Variants in FAM89B observed in about 807,000 individuals in gnomAD.
FAM89B encodes the protein leucine repeat adapter protein 25.
Under a neutral mutation model 13.4 loss-of-function variants are expected in FAM89B, and 9 were observed. The ratio of observed to expected loss-of-function variants is 0.67; its 90% CI spans 0.40 to 1.17. The LOEUF (loss-of-function observed/expected upper bound fraction) is 1.17, where lower values mean the gene tolerates loss of function less well. Among genes scored for constraint, FAM89B ranks in the 50% most tolerant of loss-of-function variants. The pLI is 0.01. For synonymous variants in FAM89B, 138 were observed against 121.2 expected, an observed-to-expected ratio of 1.14 and a Z score of -0.91; for missense variants, 256 against 256.1, an observed-to-expected ratio of 1.00 and a Z score of 0.00.
rs1331513944 is a variant in FAM89B, at chr11:65,573,348, C to T, written c.292-15C>T. The T allele has an allele frequency of 6.5e-7, 1 of 1,537,530 alleles. No homozygotes were observed. The highest frequency in any genetic ancestry group is 8.8e-7 in the Non-Finnish European group (1 of 1,136,850). ...GCCTGGACCCCAACTCCAGCCCACCCTCAGTTGTCTGCAGGTGGGGCTGCG... is the reference window on the plus strand; with the variant it reads ...GCCTGGACCCCAACTCCAGCCCACCTTCAGTTGTCTGCAGGTGGGGCTGCG... On this transcript the variant is annotated splice_polypyrimidine_tract_variant and intron_variant, in intron 1 of 1. Coordinates refer to ENST00000530349, the MANE Select transcript of FAM89B (RefSeq NM_001098785.2).
At position 65,573,954 on chromosome 11, in the gene FAM89B, C is replaced by A. The variant is rs563473955; in HGVS notation, c.*313C>A. The A allele has an allele frequency of 2.1e-4, 62 of 298,962 alleles. No homozygotes were observed. Among genetic ancestry groups the A allele is most frequent in the African/African-American group, 1.3e-3 (58 of 46,050 alleles). The allele number at this position is 298,962 out of a possible 1,614,324, so 18.5% of individuals were successfully genotyped here. A position where few individuals can be genotyped will look rare whatever the true frequency, so the allele number is the denominator to read the frequency against. On this transcript the variant is annotated 3_prime_UTR_variant, in exon 2 of 2. Coordinates refer to ENST00000530349, the MANE Select transcript of FAM89B (RefSeq NM_001098785.2). ...CCGAAGCATCTTCCCTTCCGCTTGG[C>A]GTCTCTGGGATTGGGATGAGTGCCT...
Position 65,572,596 on chromosome 11 carries a change from G to A in FAM89B, c.-74G>A, listed in dbSNP as rs1188732368. 8.1e-7 allele frequency: 1 copy of A among 1,230,220 alleles called. No homozygotes were observed. The highest frequency in any genetic ancestry group is 1.0e-6 in the Non-Finnish European group (1 of 990,270). The allele number at this position is 1,230,220 out of a possible 1,614,324, so 76.2% of individuals were successfully genotyped here. ...GGCTCCGGCGGGGCCGCGGGGTGCG[G>A]GGCCTGCGGGCGGCGGCCCGGGCGG... On this transcript the variant is annotated 5_prime_UTR_variant, in exon 1 of 2. Transcript: ENST00000530349.
At chr11:65,573,333 C>T (rs1857165309) in intron 1 of FAM89B, 30 bp from the exon 2 acceptor site, 1 of 1,517,682 alleles carries the variant, frequency 6.6e-7, no homozygotes, top group Non-Finnish European at 8.9e-7. Flanking sequence ...GCCTGGACCC[C>T]AACTCCAGCC....
rs900128832 is a variant in FAM89B, at chr11:65,574,077, C to T, written c.*436C>T. On this transcript the variant is annotated 3_prime_UTR_variant, in exon 2 of 2. Transcript: ENST00000530349. ...TGGGTTCCTCTGCCCTGGAAGGGCT[C>T]CAGGACCCGTCCCAATAACCACCCA... 2.0e-4 allele frequency: 32 copies of T among 161,424 alleles called. No individual in the cohort carries two copies. The highest frequency in any genetic ancestry group is 4.2e-4 in the Non-Finnish European group (31 of 73,614). 10.0% of individuals were successfully genotyped at this position (161,424 alleles called of 1,614,324 possible). A position where few individuals can be genotyped will look rare whatever the true frequency, so the allele number is the denominator to read the frequency against.
Position 65,572,598 on chromosome 11 carries a change from G to C in FAM89B, c.-72G>C, listed in dbSNP as rs2135188628. On this transcript the variant is annotated 5_prime_UTR_variant, in exon 1 of 2. Coordinates refer to ENST00000530349, the MANE Select transcript of FAM89B (RefSeq NM_001098785.2). The stretch of plus-strand genomic sequence containing the variant: ...CTCCGGCGGGGCCGCGGGGTGCGGG[G>C]CCTGCGGGCGGCGGCCCGGGCGGAG... 2 of 1,229,926 alleles carry C rather than the reference G, an allele frequency of 1.6e-6. No homozygotes were observed. Among genetic ancestry groups the C allele is most frequent in the Non-Finnish European group, 1.0e-6 (1 of 990,594 alleles). The allele number at this position is 1,229,926 out of a possible 1,614,324, so 76.2% of individuals were successfully genotyped here.
Position 65,573,751 on chromosome 11 carries a change from C to A in FAM89B, c.*110C>A. On this transcript the variant is annotated 3_prime_UTR_variant, in exon 2 of 2. Transcript: ENST00000530349. ...CCTTCCCCCCTACCGCCTCACCTCA[C>A]AGGAGGGCCAGGCATGTATTCCTCA... 2 of 1,283,974 alleles carry A rather than the reference C, an allele frequency of 1.6e-6. No homozygotes were observed. The highest frequency in any genetic ancestry group is 2.1e-6 in the Non-Finnish European group (2 of 944,784). The allele number at this position is 1,283,974 out of a possible 1,614,324, so 79.5% of individuals were successfully genotyped here.
intron 1 of FAM89B, 63 bp from the exon 2 acceptor site, chr11:65,573,300 G>GGGGGC (rs1000708681): frequency 3.4e-6 from 5 of 1,454,654 alleles, no homozygotes; most frequent in Admixed American, 2.7e-5. Flanking sequence ...CACTATTCCA[G>GGGGGC]GGGGCGGGGC....
Position 65,573,563 on chromosome 11 carries a change from C to T in FAM89B, c.492C>T (p.Asp164=), listed in dbSNP as rs774084227. 3 of 1,613,778 alleles carry T rather than the reference C, an allele frequency of 1.9e-6. No individual in the cohort carries two copies. The highest frequency in any genetic ancestry group is 1.7e-5 in the Admixed American group (1 of 60,026). ...EEPPDASLPP[D]PPPLTVPQTH... The stretch of plus-strand genomic sequence containing the variant: ...CTCCCGATGCCAGCCTGCCTCCTGA[C>T]CCGCCACCCCTTACTGTGCCCCAGA... The change falls in exon 2 of 2, where the codon GAC becomes GAT. Residue 164 remains aspartate (D), a synonymous_variant. Transcript: ENST00000530349.
intron 1 of FAM89B, 118 bp from the exon 2 acceptor site, chr11:65,573,245 A>C (rs2135190036): frequency 7.7e-7 from 1 of 1,292,372 alleles, no homozygotes; most frequent in Non-Finnish European, 1.0e-6. Context: ...CCTGATGTCC[A>C]CAAAAACTTC....
Position 65,572,577 on chromosome 11 carries a change from G to GGCGGGGCCGCGGGGT in FAM89B, c.-84_-70dup, listed in dbSNP as rs1174943198. ...GGCCTGCGGGCGGCGGCTGGGCTCCGGCGGGGCCGCGGGGTGCGGGGCCTG... is the reference window on the plus strand; with the variant it reads ...GGCCTGCGGGCGGCGGCTGGGCTCCGGCGGGGCCGCGGGGTGCGGGGCCGCGGGGTGCGGGGCCTG... On this transcript the variant is annotated 5_prime_UTR_variant, in exon 1 of 2. Transcript: ENST00000530349. The GGCGGGGCCGCGGGGT allele has an allele frequency of 5.0e-6, 7 of 1,399,154 alleles. No homozygotes were observed. The Admixed American group carries it at 9.4e-5, about 19-fold the overall frequency. The allele number at this position is 1,399,154 out of a possible 1,614,324, so 86.7% of individuals were successfully genotyped here.
Position 65,572,816 on chromosome 11 carries a change from C to A in FAM89B, c.147C>A (p.Ser49Arg), listed in dbSNP as rs2135189194. The A allele has an allele frequency of 8.3e-7, 1 of 1,207,164 alleles. No individual in the cohort carries two copies. The highest frequency in any genetic ancestry group is 1.0e-6 in the Non-Finnish European group (1 of 965,328). The allele number at this position is 1,207,164 out of a possible 1,614,324, so 74.8% of individuals were successfully genotyped here. The change falls in exon 1 of 2, where the codon AGC becomes AGA. Residue 49 changes from serine to arginine, a missense_variant. Transcript: ENST00000530349. ...RELERVYSQR[S>R]RIHDELSRAA... The stretch of plus-strand genomic sequence containing the variant: ...TGGAGCGCGTCTACAGCCAGCGCAG[C>A]CGCATCCACGACGAGCTGAGCCGCG...
At chr11:65,573,100 AG>A in intron 1 of FAM89B, 140 bp downstream of exon 1, 1 of 845,296 alleles carries the variant, frequency 1.2e-6, no homozygotes, top group Non-Finnish European at 1.6e-6. Flanking sequence ...AATTAGTGAT[AG>A]TTACCAATTA....
intron 1 of FAM89B, among the ~76,000 whole-genome samples, 183 bp downstream of exon 1, chr11:65,573,143 T>G (rs1222336409): frequency 6.6e-6 from 1 of 152,256 alleles, no homozygotes; most frequent in Non-Finnish European, 1.5e-5. Flanking sequence ...TTCAAATGTT[T>G]TGCTGACGTT....
rs1857152350 is a variant in FAM89B at position 65,572,675 on chromosome 11, C to T, written c.6C>T (p.Asn2=). Residue 2 remains asparagine (N), a synonymous_variant, in exon 1 of 2, where the codon AAC becomes AAT. Transcript: ENST00000530349. M[N]GLPSAEAPGG... ...CGTCCGCGCCGGCCCCGGCCATGAACGGGCTGCCCTCGGCAGAGGCGCCGG... is the reference window on the plus strand; with the variant it reads ...CGTCCGCGCCGGCCCCGGCCATGAATGGGCTGCCCTCGGCAGAGGCGCCGG... The T allele has an allele frequency of 6.0e-6, 7 of 1,164,232 alleles. No homozygotes were observed. Among genetic ancestry groups the T allele is most frequent in the South Asian group, 8.3e-5 (2 of 24,112 alleles). The allele number at this position is 1,164,232 out of a possible 1,614,324, so 72.1% of individuals were successfully genotyped here. A position where few individuals can be genotyped will look rare whatever the true frequency, so the allele number is the denominator to read the frequency against.
rs1186633129 is a variant in FAM89B, at chr11:65,573,377, G to A, written c.306G>A (p.Gln102=). ...GTTGTCTGCAGGTGGGGCTGCGGCA[G>A]TTGGACATGTCCTTGTTGTGCCAGC... ...ALRKEMVGLR[Q]LDMSLLCQLW... The change falls in exon 2 of 2, where the codon CAG becomes CAA. Residue 102 remains glutamine, a synonymous_variant. Coordinates refer to ENST00000530349, the MANE Select transcript of FAM89B (RefSeq NM_001098785.2). The A allele has an allele frequency of 6.4e-7, 1 of 1,560,456 alleles. No homozygotes were observed. Among genetic ancestry groups the A allele is most frequent in the African/African-American group, 1.4e-5 (1 of 73,872 alleles).
Position 65,573,477 on chromosome 11 carries a change from T to A in FAM89B, c.406T>A (p.Ser136Thr). The change falls in exon 2 of 2, where the codon TCC becomes ACC. Residue 136 changes from serine (S) to threonine (T), a missense_variant. Transcript: ENST00000530349. ...QDLSFCQDLS[S>T]SLHSDSSYPP... is the part of the protein sequence containing the mutation. ...CCTGAGCTTCTGCCAGGACCTGTCA[T>A]CCTCCCTCCATTCGGACAGCTCCTA... 6.2e-7 allele frequency: 1 copy of A among 1,614,120 alleles called. No homozygotes were observed. Among genetic ancestry groups the A allele is most frequent in the Non-Finnish European group, 8.5e-7 (1 of 1,180,006 alleles).
chr11:65,572,574 T>C lies in FAM89B; in HGVS notation c.-96T>C. 1.4e-6 allele frequency: 2 copies of C among 1,402,362 alleles called. No homozygotes were observed. The highest frequency in any genetic ancestry group is 1.9e-6 in the Non-Finnish European group (2 of 1,070,058). The allele number at this position is 1,402,362 out of a possible 1,614,324, so 86.9% of individuals were successfully genotyped here. On this transcript the variant is annotated 5_prime_UTR_variant, in exon 1 of 2. Coordinates refer to ENST00000530349, the MANE Select transcript of FAM89B (RefSeq NM_001098785.2). ...CGAGGCCTGCGGGCGGCGGCTGGGC[T>C]CCGGCGGGGCCGCGGGGTGCGGGGC...
In FAM89B at chr11:65,572,759, C is replaced by T; in HGVS notation, c.90C>T (p.Leu30=). The change falls in exon 1 of 2, where the codon CTC becomes CTT. Residue 30 remains leucine, a synonymous_variant. Coordinates refer to ENST00000530349, the MANE Select transcript of FAM89B (RefSeq NM_001098785.2). ...LPPLPRGLSG[L]LNASGGSWRE... is the part of the protein sequence containing the mutation. ...CGCTGCCGCGCGGCCTCAGCGGCCT[C>T]CTTAATGCGAGCGGGGGCTCGTGGC... 1 of 1,193,262 alleles carries T rather than the reference C, an allele frequency of 8.4e-7. No homozygotes were observed. Among genetic ancestry groups the T allele is most frequent in the Non-Finnish European group, 1.0e-6 (1 of 958,816 alleles). 73.9% of individuals were successfully genotyped at this position (1,193,262 alleles called of 1,614,324 possible).
At position 65,573,794 on chromosome 11, in the gene FAM89B, CTCTT is replaced by C. The variant is rs578084426; in HGVS notation, c.*157_*160del. The C allele has an allele frequency of 3.6e-3, 3,407 of 937,210 alleles. 13 individuals are homozygous for C. Among genetic ancestry groups the C allele is most frequent in the Non-Finnish European group, 4.7e-3 (3,025 of 646,436 alleles). 58.1% of individuals were successfully genotyped at this position (937,210 alleles called of 1,614,324 possible). ...ATTCCTCAGAGGCGAAACTGCCAAA[CTCTT>C]TCTCCTGTCTTGGGTTGGCTGGCAC... On this transcript the variant is annotated 3_prime_UTR_variant, in exon 2 of 2. Coordinates refer to ENST00000530349, the MANE Select transcript of FAM89B (RefSeq NM_001098785.2).
Sources: allele counts gnomAD v4.1 joint callset (sites outside exome capture counted in the v4.1 genomes callset), GRCh38; gene constraint gnomAD v4.1.1; transcripts MANE v1.5; gene names NCBI Gene and HGNC (gene_info 2026-07-23, HGNC 2026-07-21).